The following NCR1 variants were observed in gnomAD, a reference collection of about 807,000 sequenced individuals.
The protein encoded by NCR1 is NK cell-activating receptor.
NCR1 carries 30 observed loss-of-function variants against 32.5 expected under a neutral mutation model. The observed-to-expected ratio is 0.92, with a 90% CI of 0.69 to 1.25. NCR1 has a LOEUF of 1.25. Among genes scored for constraint, NCR1 ranks in the 50% most tolerant of loss-of-function variants. The pLI is 0.00. For synonymous variants in NCR1, 169 were observed against 143.4 expected (o/e 1.18, Z -1.28); for missense variants, 369 against 380.7 (o/e 0.97, Z 0.26).
chr19:54,922,909 CACAGAG>C, the NCR1 span, among the ~76,000 whole-genome samples: 1,251 of 150,590 alleles, frequency 8.3e-3, 21 homozygotes, highest in African/African-American at 0.028. Context: ...CAGAAACAGA[CACAGAG>C]ACAGAGAGAC....
At chr19:54,903,610 G>A (rs1020663127), upstream of NCR1, among the ~76,000 whole-genome samples, 1 of 146,650 alleles carries the variant, frequency 6.8e-6, no homozygotes, top group Non-Finnish European at 1.5e-5. Flanking sequence ...ATATGCATGT[G>A]TATATATACA....
chr19:54,935,786 T>A, the NCR1 span, among the ~76,000 whole-genome samples: 1 of 151,572 alleles, frequency 6.6e-6, no homozygotes, highest in Middle Eastern at 3.5e-3. Flanking sequence ...AGATTGATGA[T>A]CCATTCTCCT....
At chr19:54,909,570 C>G in intron 4 of NCR1, 47 bp downstream of exon 4, 1 of 1,565,632 alleles carries the variant, frequency 6.4e-7, no homozygotes, top group Non-Finnish European at 8.6e-7. Context: ...CATGTGCTAC[C>G]TGGAGCCCTG....
chr19:54,936,286 G>C, the NCR1 span: 1 of 1,613,760 alleles, frequency 6.2e-7, no homozygotes, highest in Non-Finnish European at 8.5e-7. Flanking sequence ...TTGCATTTAT[G>C]ATTTCTGAGC....
the NCR1 span, among the ~76,000 whole-genome samples, chr19:54,937,753 C>T: frequency 2.0e-5 from 3 of 151,656 alleles, no homozygotes; most frequent in African/African-American, 7.3e-5. Flanking sequence ...CAAAATTAGC[C>T]GGGCAAGGTG....
upstream of NCR1, among the ~76,000 whole-genome samples, chr19:54,904,477 A>G (rs2067427460): frequency 6.6e-6 from 1 of 150,972 alleles, no homozygotes; most frequent in African/African-American, 2.4e-5. Context: ...CTCCTTACCC[A>G]ATGTTTAGCG....
chr19:54,926,227 T>TGTGTGTGTGTGTGTGC, the NCR1 span, among the ~76,000 whole-genome samples: 3 of 150,836 alleles, frequency 2.0e-5, no homozygotes, highest in East Asian at 2.0e-4. Flanking sequence ...TGTGTGTGTG[T>TGTGTGTGTGTGTGTGC]GCTCATGCAC....
chr19:54,932,960 C>T, the NCR1 span, among the ~76,000 whole-genome samples: 2 of 152,094 alleles, frequency 1.3e-5, no homozygotes, highest in African/African-American at 4.8e-5. Flanking sequence ...GTGCCACTGG[C>T]CCTACCACAT....
the NCR1 span, among the ~76,000 whole-genome samples, chr19:54,935,874 C>G: frequency 6.6e-6 from 1 of 151,914 alleles, no homozygotes; most frequent in Non-Finnish European, 1.5e-5. Context: ...GATCTGAGAT[C>G]GAACAGTTTC....
At chr19:54,904,280 A>G (rs1392474276), upstream of NCR1, among the ~76,000 whole-genome samples, 1 of 151,936 alleles carries the variant, frequency 6.6e-6, no homozygotes, top group African/African-American at 2.4e-5. Context: ...TTCCATTCTG[A>G]TGAAACCAAT....
At chr19:54,920,345 G>A (rs2146117467), downstream of NCR1, among the ~76,000 whole-genome samples, 1 of 152,282 alleles carries the variant, frequency 6.6e-6, no homozygotes, top group South Asian at 2.1e-4. Context: ...TCCAAGTCCA[G>A]GGGTGCTGCT....
chr19:54,923,410 G>T, the NCR1 span: 1 of 402,644 alleles, frequency 2.5e-6, no homozygotes, highest in South Asian at 2.3e-5. Context: ...AGAATCAACC[G>T]AATCATCCCT....
upstream of NCR1, among the ~76,000 whole-genome samples, chr19:54,902,745 C>T (rs996546002): frequency 6.6e-6 from 1 of 152,118 alleles, no homozygotes; most frequent in Non-Finnish European, 1.5e-5. Flanking sequence ...CATCCAAGCG[C>T]TCCGTAGGGG....
At position 54,906,193 on chromosome 19, in the gene NCR1, T is replaced by C. The variant is rs2067598131; in HGVS notation, c.6T>C (p.Ser2=). Residue 2 remains serine (S), a synonymous_variant, in exon 1 of 7, where the codon TCT becomes TCC. Transcript: ENST00000291890. M[S]STLPALLCVG... is the part of the protein sequence containing the mutation. ...AGGCCGGCAGAATCTGAGCGATGTC[T>C]TCCACACTCCCTGCCCTGCTCTGCG... 6 of 1,614,034 alleles carry C rather than the reference T, an allele frequency of 3.7e-6. No homozygotes were observed. The highest frequency in any genetic ancestry group is 5.1e-6 in the Non-Finnish European group (6 of 1,180,038).
chr19:54,906,177 G>A lies in NCR1; in HGVS notation c.-11G>A, dbSNP rs779714920. On this transcript the variant is annotated 5_prime_UTR_variant, in exon 1 of 7. Transcript: ENST00000291890. ...CCCACTGCTCAGCACTAGGCCGGCA[G>A]AATCTGAGCGATGTCTTCCACACTC... 1 of 1,614,156 alleles carries A rather than the reference G, an allele frequency of 6.2e-7. No homozygotes were observed. Among genetic ancestry groups the A allele is most frequent in the East Asian group, 2.2e-5 (1 of 44,888 alleles).
At position 54,912,938 on chromosome 19, in the gene NCR1, A is replaced by G; in HGVS notation, c.*67A>G. 6.6e-7 allele frequency: 1 copy of G among 1,524,494 alleles called. No individual in the cohort carries two copies. The highest frequency in any genetic ancestry group is 1.9e-5 in the Admixed American group (1 of 52,014). The allele number at this position is 1,524,494 out of a possible 1,614,324, so 94.4% of individuals were successfully genotyped here. ...GCTGGTGTTGAGCCTGGGCGGCGTGAGCTCTGTGTTGGACCCACGGAGGAG... is the reference window on the plus strand; with the variant it reads ...GCTGGTGTTGAGCCTGGGCGGCGTGGGCTCTGTGTTGGACCCACGGAGGAG... On this transcript the variant is annotated 3_prime_UTR_variant, in exon 7 of 7. Coordinates refer to ENST00000291890, the MANE Select transcript of NCR1 (RefSeq NM_004829.7).
At chr19:54,936,061 C>CA in the NCR1 span, among the ~76,000 whole-genome samples, 7 of 152,110 alleles carry the variant, frequency 4.6e-5, no homozygotes, top group African/African-American at 1.7e-4. Flanking sequence ...TGTTTCTTTG[C>CA]ATGGATAGCT....
chr19:54,934,581 G>A, the NCR1 span: 1 of 1,614,172 alleles, frequency 6.2e-7, no homozygotes, highest in Non-Finnish European at 8.5e-7. The surrounding 1 kb of genome is among the most constrained non-coding windows in gnomAD (Gnocchi z 6.7). Context: ...AGAGACGCAG[G>A]TGCTTCAGGG....
chr19:54,923,774 G>A, the NCR1 span: 3 of 1,613,750 alleles, frequency 1.9e-6, no homozygotes, highest in South Asian at 1.1e-5. Context: ...AGGTGCCGTT[G>A]CCCCGGAAGC....
Sources: gnomAD v4.1 joint callset for allele counts (sites outside exome capture counted in the v4.1 genomes callset) on GRCh38, gnomAD v4.1.1 for gene constraint, Gnocchi (gnomAD v3.1) non-coding constraint, MANE v1.5 for transcripts, NCBI Gene and HGNC (gene_info 2026-07-23, HGNC 2026-07-21) for gene names.